TSNAX: variants seen among roughly 807,000 people sequenced by gnomAD.
TSNAX encodes the protein translin associated factor X, also known as translin-associated protein X.
In TSNAX, 12 loss-of-function variants were observed where a neutral mutation model predicts 33.0. That is an observed-to-expected ratio of 0.36 (90% CI 0.23 to 0.59). The LOEUF is 0.59. Ranked by LOEUF, TSNAX falls within the 20% of genes least tolerant of loss-of-function variation. The pLI is 0.74. For missense variants in TSNAX, 267 were observed against 341.3 expected, an observed-to-expected ratio of 0.78 and a Z score of 1.72; for synonymous variants, 110 against 117.2, an observed-to-expected ratio of 0.94 and a Z score of 0.40.
In TSNAX at chr1:231,565,047, G is replaced by C. The variant is rs1232890705; in HGVS notation, c.*142G>C. ...TGTACTTGTTTTAAATTGTATACAA[G>C]CTGTACATAAAATTAGCCAAATGAA... On this transcript the variant is annotated 3_prime_UTR_variant, in exon 6 of 6. Transcript: ENST00000366639. 1 of 1,057,256 alleles carries C rather than the reference G, an allele frequency of 9.5e-7. No homozygotes were observed. Among genetic ancestry groups the C allele is most frequent in the African/African-American group, 1.6e-5 (1 of 62,058 alleles). 65.5% of individuals were successfully genotyped at this position (1,057,256 alleles called of 1,614,324 possible).
chr1:231,552,705 A>G (rs1660400908), intron 4 of TSNAX, among the ~76,000 whole-genome samples: 1 of 152,180 alleles, frequency 6.6e-6, no homozygotes, highest in Admixed American at 6.5e-5. Context: ...CATCACGCTC[A>G]AAAGAAACCT....
intron 3 of TSNAX, among the ~76,000 whole-genome samples, chr1:231,541,525 T>C (rs1243047198): frequency 1.3e-5 from 2 of 152,236 alleles, no homozygotes; most frequent in Non-Finnish European, 2.9e-5. Context: ...ATTCATGTTA[T>C]TTCTACTTTT....
chr1:231,533,970 C>T (rs1658971531), intron 2 of TSNAX: 1 of 152,146 alleles, frequency 6.6e-6, no homozygotes, highest in Admixed American at 6.5e-5. Flanking sequence ...AATAAGGTTC[C>T]TTCCAGCTTT....
chr1:231,550,488 G>A (rs1231833229), intron 4 of TSNAX, among the ~76,000 whole-genome samples: 4 of 152,188 alleles, frequency 2.6e-5, no homozygotes, highest in Non-Finnish European at 5.9e-5. Context: ...CTCAGGCTGC[G>A]TTTATAATCT....
chr1:231,560,185 T>C (rs1660971942), intron 4 of TSNAX, among the ~76,000 whole-genome samples: 1 of 151,504 alleles, frequency 6.6e-6, no homozygotes, highest in South Asian at 2.1e-4. Flanking sequence ...TTCACCATGT[T>C]AGCCAGGATG....
chr1:231,550,568 T>C (rs964925544), intron 4 of TSNAX, among the ~76,000 whole-genome samples: 2 of 152,228 alleles, frequency 1.3e-5, no homozygotes, highest in Non-Finnish European at 2.9e-5. Context: ...TGGCTGTCTC[T>C]GCACATAAGG....
intron 4 of TSNAX, among the ~76,000 whole-genome samples, chr1:231,559,184 T>C (rs1660877847): frequency 6.6e-6 from 1 of 152,120 alleles, no homozygotes; most frequent in Admixed American, 6.5e-5. Context: ...AAATGTATTC[T>C]CTTGCTATTT....
intron 1 of TSNAX, 41 bp from the exon 2 acceptor site, chr1:231,529,214 G>T: frequency 6.3e-7 from 1 of 1,597,426 alleles, no homozygotes; most frequent in Non-Finnish European, 8.6e-7. Flanking sequence ...GCAAACTCTT[G>T]GTGATGGAAG....
intron 5 of TSNAX, among the ~76,000 whole-genome samples, chr1:231,563,914 A>AT (rs560000831): frequency 4.2e-4 from 64 of 151,458 alleles, no homozygotes; most frequent in East Asian, 7.7e-4. Context: ...TGTGATTACC[A>AT]TTTTTTTTTA....
intron 4 of TSNAX, among the ~76,000 whole-genome samples, chr1:231,550,463 T>C (rs773666905): frequency 4.6e-5 from 7 of 152,198 alleles, no homozygotes; most frequent in Non-Finnish European, 8.8e-5. Context: ...AGATATTTCA[T>C]GCAGAGCATA....
chr1:231,541,609 T>C (rs1659580003), intron 3 of TSNAX, among the ~76,000 whole-genome samples: 3 of 147,614 alleles, frequency 2.0e-5, no homozygotes, highest in Non-Finnish European at 1.5e-5. Context: ...TTTATCCACA[T>C]TTACCAATTT....
At chr1:231,532,171 C>CACACACACACACACACACA (rs1658788278) in intron 2 of TSNAX, among the ~76,000 whole-genome samples, 1 of 93,970 alleles carries the variant, frequency 1.1e-5, no homozygotes, top group East Asian at 2.1e-4. Context: ...CACACACACA[C>CACACACACACACACACACA]ACACACACAC....
At position 231,566,394 on chromosome 1, in the gene TSNAX, A is replaced by C. The variant is rs1661440355; in HGVS notation, c.*1489A>C. ...ACCAGACATTTCCAGTTGGTTTTGT[A>C]AGTTTTGAGAATCTAGATACTGGGT... On this transcript the variant is annotated 3_prime_UTR_variant, in exon 6 of 6. Transcript: ENST00000366639. 1 of 152,502 alleles carries C rather than the reference A, an allele frequency of 6.6e-6. No homozygotes were observed. Among genetic ancestry groups the C allele is most frequent in the Non-Finnish European group, 1.5e-5 (1 of 68,034 alleles). 9.4% of individuals were successfully genotyped at this position (152,502 alleles called of 1,614,324 possible). A position where few individuals can be genotyped will look rare whatever the true frequency, so the allele number is the denominator to read the frequency against.
At chr1:231,544,926 C>T (rs893005240) in intron 4 of TSNAX, among the ~76,000 whole-genome samples, 5 of 144,064 alleles carry the variant, frequency 3.5e-5, no homozygotes, top group African/African-American at 1.2e-4. Flanking sequence ...ATTATAAGCA[C>T]AGTGGTCTCT....
chr1:231,562,292 G>T (rs557844313), intron 5 of TSNAX, among the ~76,000 whole-genome samples: 170 of 150,264 alleles, frequency 1.1e-3, no homozygotes, highest in African/African-American at 4.1e-3. Context: ...GGATAGGTAG[G>T]CAGGAGATGG....
chr1:231,551,798 T>TAAAAAAAAAAAAAAAAAAGA (rs1660317282), intron 4 of TSNAX, among the ~76,000 whole-genome samples: 8 of 77,594 alleles, frequency 1.0e-4, no homozygotes, highest in Middle Eastern at 8.9e-3. Context: ...TACAAAAAAG[T>TAAAAAAAAAAAAAAAAAAGA]AAAAAAAAAA....
Position 231,541,206 on chromosome 1 carries a change from G to C in TSNAX, c.237-1275G>C, listed in dbSNP as rs1431751377. ...TCTTATTTGTAGGCTTATTAGCTAT[G>C]CCTTTTTTGTTTTGTTTTTGTAGTG... On this transcript the variant is annotated intron_variant, in intron 3 of 5. Transcript: ENST00000366639. Among the ~76,000 whole-genome samples the C allele has an allele frequency of 3.9e-5, 6 of 152,146 alleles. No homozygotes were observed. The South Asian group carries it at 1.0e-3, about 26-fold the overall frequency.
At chr1:231,528,986 T>C (rs1572090869) in intron 1 of TSNAX, among the ~76,000 whole-genome samples, 160 bp downstream of exon 1, 1 of 152,256 alleles carries the variant, frequency 6.6e-6, no homozygotes, top group Non-Finnish European at 1.5e-5. Flanking sequence ...CGGCCCTGTT[T>C]ACACCTCCTT....
chr1:231,539,061 T>A (rs1035596340), intron 3 of TSNAX, among the ~76,000 whole-genome samples: 2 of 152,220 alleles, frequency 1.3e-5, no homozygotes, highest in African/African-American at 4.8e-5. Flanking sequence ...TATTGAAATA[T>A]GGCACTGTTA....
Sources: gnomAD v4.1 joint callset for allele counts (sites outside exome capture counted in the v4.1 genomes callset) on GRCh38, gnomAD v4.1.1 for gene constraint, MANE v1.5 for transcripts, NCBI Gene and HGNC (gene_info 2026-07-23, HGNC 2026-07-21) for gene names.